The following PDE4D variants were observed in gnomAD, a reference collection of about 807,000 sequenced individuals.
The protein encoded by PDE4D is phosphodiesterase 4D, also known as 3',5'-cyclic-AMP phosphodiesterase 4D.
In PDE4D, 24 loss-of-function variants were observed where a neutral mutation model predicts 87.4. The observed-to-expected ratio is 0.27, with a 90% confidence interval of 0.20 to 0.39. The LOEUF (loss-of-function observed/expected upper bound fraction) is 0.39. PDE4D is among the 10% of genes least tolerant of loss of function. The pLI, the probability that PDE4D is intolerant of heterozygous loss-of-function variation, is 1.00. For missense variants in PDE4D, 714 were observed against 1,041.0 expected (o/e 0.69, Z 4.32); for synonymous variants, 384 against 383.2 (o/e 1.00, Z -0.02).
chr5:60,008,515 C>G (rs1214115574), intron 2 of PDE4D, among the ~76,000 whole-genome samples: 3 of 152,022 alleles, frequency 2.0e-5, no homozygotes, highest in African/African-American at 7.2e-5. Context: ...AGTTTGGACT[C>G]ATCTTTCCAT....
At chr5:60,308,505 C>A (rs1754705673) in intron 1 of PDE4D, among the ~76,000 whole-genome samples, 1 of 152,086 alleles carries the variant, frequency 6.6e-6, no homozygotes, top group African/African-American at 2.4e-5. Context: ...AATAACAAAT[C>A]TTTGGTAATT....
chr5:60,204,319 T>C (rs1243370235), intron 1 of PDE4D, among the ~76,000 whole-genome samples: 1 of 152,218 alleles, frequency 6.6e-6, no homozygotes, highest in African/African-American at 2.4e-5. Flanking sequence ...TATCTATTCT[T>C]CTTTTCACAA....
chr5:60,078,440 C>T (rs1433979680), intron 2 of PDE4D, among the ~76,000 whole-genome samples: 5 of 151,714 alleles, frequency 3.3e-5, no homozygotes, highest in South Asian at 2.1e-4. Flanking sequence ...GTAAAAAAAA[C>T]GGGATATATG....
intron 2 of PDE4D, among the ~76,000 whole-genome samples, chr5:60,025,312 A>G (rs924983498): frequency 2.0e-5 from 3 of 152,174 alleles, no homozygotes; most frequent in African/African-American, 4.8e-5. Context: ...AACCTTTGGA[A>G]GCAATAGTTT....
chr5:59,842,707 A>G (rs1743207117), intron 1 of PDE4D, among the ~76,000 whole-genome samples: 1 of 152,082 alleles, frequency 6.6e-6, no homozygotes, highest in Admixed American at 6.6e-5. Flanking sequence ...TAATGTCACC[A>G]AATGTCACTT....
chr5:59,896,697 A>G (rs1330715033), upstream of PDE4D, among the ~76,000 whole-genome samples: 3 of 152,262 alleles, frequency 2.0e-5, no homozygotes, highest in Non-Finnish European at 4.4e-5. Context: ...AACACTGTAG[A>G]TACTATTAGT....
At chr5:59,014,116 T>C (rs1177919441) in intron 6 of PDE4D, among the ~76,000 whole-genome samples, 2 of 152,136 alleles carry the variant, frequency 1.3e-5, no homozygotes, top group East Asian at 3.9e-4. Flanking sequence ...CTAAAAACTC[T>C]CAATAAATTC....
chr5:59,450,285 A>G (rs760244403), intron 1 of PDE4D, among the ~76,000 whole-genome samples: 2 of 152,184 alleles, frequency 1.3e-5, no homozygotes, highest in African/African-American at 2.4e-5. Context: ...TGACCTATGA[A>G]CTATAAGTAA....
chr5:60,436,289 G>C (rs1312099799), intron 1 of PDE4D, among the ~76,000 whole-genome samples: 3 of 152,034 alleles, frequency 2.0e-5, no homozygotes, highest in Non-Finnish European at 2.9e-5. Context: ...TGTCTTATAT[G>C]AAACCAATAG....
chr5:59,671,695 C>A (rs1747229520), intron 1 of PDE4D, among the ~76,000 whole-genome samples: 1 of 151,144 alleles, frequency 6.6e-6, no homozygotes, highest in Admixed American at 6.6e-5. Flanking sequence ...GTAGTCCCAG[C>A]TATTTGAGAG....
At chr5:59,756,509 T>TACACATACACACACACACACACAC (rs1761237566) in intron 1 of PDE4D, among the ~76,000 whole-genome samples, 1 of 144,926 alleles carries the variant, frequency 6.9e-6, no homozygotes, top group Admixed American at 6.9e-5. Flanking sequence ...ACCCAAAACA[T>TACACATACACACACACACACACAC]ACACACACAC....
intron 1 of PDE4D, among the ~76,000 whole-genome samples, chr5:60,287,819 C>G (rs1230953997): frequency 6.6e-6 from 1 of 152,174 alleles, no homozygotes; most frequent in East Asian, 1.9e-4. Context: ...TCTCATTTGA[C>G]ACAATCCCCT....
chr5:60,084,720 C>T (rs1173057030), intron 2 of PDE4D, among the ~76,000 whole-genome samples: 3 of 152,146 alleles, frequency 2.0e-5, no homozygotes, highest in Non-Finnish European at 4.4e-5. Context: ...AATCCTGCAC[C>T]CCTACATAGT....
chr5:59,334,421 G>A (rs1777308909), intron 1 of PDE4D, among the ~76,000 whole-genome samples: 1 of 151,730 alleles, frequency 6.6e-6, no homozygotes, highest in African/African-American at 2.4e-5. Flanking sequence ...ATTATGCCTG[G>A]CTAATTTTTG....
In PDE4D at chr5:59,833,943, G is replaced by A. The variant is rs188366155; in HGVS notation, c.455+59225C>T. 2.9e-3 allele frequency among the ~76,000 whole-genome samples: 435 copies of A among 152,120 alleles called. 2 individuals are homozygous for A. Among genetic ancestry groups the A allele is most frequent in the Non-Finnish European group, 2.9e-3 (196 of 67,966 alleles). ...CCCTAAGTGAAAGGTCTGAAATAAT[G>A]TTATGTCAGTTATTAACTGACAAGA... On this transcript the variant is annotated intron_variant, in intron 1 of 14. Coordinates refer to ENST00000340635, the MANE Select transcript of PDE4D (RefSeq NM_001104631.2).
intron 1 of PDE4D, among the ~76,000 whole-genome samples, chr5:59,251,787 C>T (rs1260831599): frequency 6.6e-6 from 1 of 152,112 alleles, no homozygotes. Flanking sequence ...AGATACCCAT[C>T]AGTCACAGAT....
intron 1 of PDE4D, among the ~76,000 whole-genome samples, chr5:59,741,278 T>G (rs1023984758): frequency 1.2e-4 from 19 of 152,298 alleles, no homozygotes; most frequent in African/African-American, 4.3e-4. Flanking sequence ...CAAGATGATC[T>G]CTGAAAGGTC....
chr5:59,549,400 G>A (rs1268976021), intron 1 of PDE4D, among the ~76,000 whole-genome samples: 1 of 152,170 alleles, frequency 6.6e-6, no homozygotes, highest in Non-Finnish European at 1.5e-5. Context: ...AGAAATAAGA[G>A]TAGAGTGACA....
intron 1 of PDE4D, among the ~76,000 whole-genome samples, chr5:59,545,939 T>C (rs1817196972): frequency 6.6e-6 from 1 of 152,188 alleles, no homozygotes; most frequent in Non-Finnish European, 1.5e-5. Context: ...AAATACTCAC[T>C]TGCATTAACT....
Sources: allele counts gnomAD v4.1 joint callset (sites outside exome capture counted in the v4.1 genomes callset), GRCh38; gene constraint gnomAD v4.1.1; transcripts MANE v1.5; gene names NCBI Gene and HGNC (gene_info 2026-07-23, HGNC 2026-07-21).